Variants in WWOX observed in about 807,000 individuals in gnomAD.
WWOX encodes the protein WW domain containing oxidoreductase, also known as WW domain-containing oxidoreductase.
Under a neutral mutation model 46.2 loss-of-function variants are expected in WWOX, and 69 were observed. The ratio of observed to expected loss-of-function variants is 1.49; its 90% CI spans 1.23 to 1.82. The LOEUF (loss-of-function observed/expected upper bound fraction) is 1.82. Ranked by LOEUF, WWOX falls within the 40% of genes most tolerant of loss-of-function variation. WWOX has a pLI of 0.00. For missense variants in WWOX, 919 were observed against 542.6 expected, an observed-to-expected ratio of 1.69 and a Z score of -6.89; for synonymous variants, 359 against 202.6, an observed-to-expected ratio of 1.77 and a Z score of -6.56.
chr16:79,192,464 C>T (rs1488768900), intron 8 of WWOX, among the ~76,000 whole-genome samples: 1 of 152,200 alleles, frequency 6.6e-6, no homozygotes, highest in Non-Finnish European at 1.5e-5. Context: ...TTATTGCCTG[C>T]TGCACATTTT....
intron 8 of WWOX, among the ~76,000 whole-genome samples, chr16:78,715,397 G>A (rs2048537531): frequency 6.6e-6 from 1 of 152,090 alleles, no homozygotes; most frequent in African/African-American, 2.4e-5. Context: ...GATCGTAGAT[G>A]GCCACCACAG....
intron 8 of WWOX, among the ~76,000 whole-genome samples, chr16:78,685,380 CAAT>C (rs2047830755): frequency 6.6e-6 from 1 of 152,086 alleles, no homozygotes; most frequent in Non-Finnish European, 1.5e-5. Flanking sequence ...GAGTCTGACA[CAAT>C]AAGGCCATAA....
At chr16:78,111,093 C>G (rs1010715342) in intron 3 of WWOX, among the ~76,000 whole-genome samples, 1 of 151,958 alleles carries the variant, frequency 6.6e-6, no homozygotes, top group African/African-American at 2.4e-5. Context: ...CGGGCCAGCC[C>G]TCCTCTGAGT....
chr16:78,223,891 A>G (rs574027905), intron 5 of WWOX, among the ~76,000 whole-genome samples: 1 of 152,236 alleles, frequency 6.6e-6, no homozygotes, highest in African/African-American at 2.4e-5. Context: ...GGAAGTTGTC[A>G]TTATTCCTGT....
At chr16:78,166,009 T>C (rs1394742937) in intron 5 of WWOX, among the ~76,000 whole-genome samples, 2 of 151,728 alleles carry the variant, frequency 1.3e-5, no homozygotes, top group Non-Finnish European at 2.9e-5. Flanking sequence ...CAAATGGGAA[T>C]ACGTGCATCT....
intron 8 of WWOX, among the ~76,000 whole-genome samples, chr16:78,801,898 T>G (rs553329553): frequency 6.6e-6 from 1 of 152,238 alleles, no homozygotes; most frequent in Non-Finnish European, 1.5e-5. Context: ...TTAACTGGTT[T>G]TGTGATTTGG....
At chr16:79,019,825 C>G (rs2047495477) in intron 8 of WWOX, among the ~76,000 whole-genome samples, 1 of 152,138 alleles carries the variant, frequency 6.6e-6, no homozygotes, top group Non-Finnish European at 1.5e-5. Context: ...TCTTTTCTAG[C>G]TGGTCATTTC....
At chr16:79,203,678 C>G (rs1241851756) in intron 8 of WWOX, 1 of 152,128 alleles carries the variant, frequency 6.6e-6, no homozygotes, top group Non-Finnish European at 1.5e-5. Context: ...CGTAATTTTG[C>G]AGGCAGACTT....
chr16:78,973,597 C>G (rs1173593301), intron 8 of WWOX, among the ~76,000 whole-genome samples: 2 of 152,150 alleles, frequency 1.3e-5, no homozygotes, highest in African/African-American at 2.4e-5. Flanking sequence ...CTGTCTCAGT[C>G]TCTCAAACTG....
At chr16:79,045,761 TCTTTCCTTTTTTC>T in intron 8 of WWOX, among the ~76,000 whole-genome samples, 3 of 147,372 alleles carry the variant, frequency 2.0e-5, no homozygotes, top group African/African-American at 7.5e-5. Flanking sequence ...CTGGAGCTCG[TCTTTCCTTTTTTC>T]TTTTCCTTTT....
At chr16:79,067,303 C>G (rs1022939756) in intron 8 of WWOX, among the ~76,000 whole-genome samples, 2 of 152,156 alleles carry the variant, frequency 1.3e-5, no homozygotes, top group Non-Finnish European at 2.9e-5. Context: ...TTTGCAAGGT[C>G]CTGCATGACT....
chr16:78,706,667 A>T (rs2042432), intron 8 of WWOX, among the ~76,000 whole-genome samples: 94,837 of 152,012 alleles, frequency 0.62, 30,223 homozygotes, highest in African/African-American at 0.77. Context: ...CAGGAGAGGA[A>T]AGGCTCTTTC....
chr16:79,014,692 G>T (rs2047378339), intron 8 of WWOX, among the ~76,000 whole-genome samples: 1 of 152,196 alleles, frequency 6.6e-6, no homozygotes, highest in Non-Finnish European at 1.5e-5. Flanking sequence ...CCTGATTTCA[G>T]AGATGAAAGA....
At chr16:78,457,909 C>CAAAAAAAAAAAAAAAAAA (rs57956003) in intron 8 of WWOX, among the ~76,000 whole-genome samples, 29 of 86,978 alleles carry the variant, frequency 3.3e-4, no homozygotes, top group African/African-American at 1.6e-3. Context: ...GACTCTGACT[C>CAAAAAAAAAAAAAAAAAA]AAAAAAAAAA....
At chr16:78,311,986 C>T (rs72792340) in intron 5 of WWOX, among the ~76,000 whole-genome samples, 15,723 of 152,158 alleles carry the variant, frequency 0.1, 891 homozygotes, top group East Asian at 0.15. Context: ...GCCTTTTCCA[C>T]GTTACAGAGA....
intron 8 of WWOX, among the ~76,000 whole-genome samples, chr16:78,598,581 G>T (rs2045546885): frequency 6.6e-6 from 1 of 152,174 alleles, no homozygotes; most frequent in South Asian, 2.1e-4. Flanking sequence ...TGCCATCGGT[G>T]ACGCCAACAC....
At chr16:78,482,443 G>A (rs1032726407) in intron 8 of WWOX, among the ~76,000 whole-genome samples, 9 of 152,192 alleles carry the variant, frequency 5.9e-5, no homozygotes, top group East Asian at 3.9e-4. Flanking sequence ...TGCTGGCCTC[G>A]AACTCCTCAC....
At chr16:78,173,924 C>T (rs2035247030) in intron 5 of WWOX, among the ~76,000 whole-genome samples, 1 of 152,092 alleles carries the variant, frequency 6.6e-6, no homozygotes, top group African/African-American at 2.4e-5. Context: ...CTGTTTCTTG[C>T]TGTGTCCTCA....
At chr16:78,638,517 T>G (rs536925688) in intron 8 of WWOX, among the ~76,000 whole-genome samples, 2 of 152,272 alleles carry the variant, frequency 1.3e-5, no homozygotes, top group East Asian at 3.9e-4. Context: ...CTGCACTCCT[T>G]TTGTCTGGCC....
Sources: allele counts gnomAD v4.1 joint callset (sites outside exome capture counted in the v4.1 genomes callset), GRCh38; gene constraint gnomAD v4.1.1; transcripts MANE v1.5; gene names NCBI Gene and HGNC (gene_info 2026-07-23, HGNC 2026-07-21).